The following CAPN7 variants were observed in gnomAD, a reference collection of about 807,000 sequenced individuals.
CAPN7 encodes calpain-7.
In CAPN7, 72 loss-of-function variants were observed where a neutral mutation model predicts 115.2. The observed-to-expected ratio is 0.63, with a 90% confidence interval of 0.52 to 0.76. The LOEUF (loss-of-function observed/expected upper bound fraction) is 0.76, where lower values mean the gene tolerates loss of function less well. CAPN7 is among the 30% of genes least tolerant of loss of function. The probability of loss-of-function intolerance (pLI) is 0.00; values close to 1 mark genes in which losing one functional copy is unlikely to be tolerated. For missense variants in CAPN7, 905 were observed against 971.5 expected, an observed-to-expected ratio of 0.93 and a Z score of 0.91; for synonymous variants, 344 against 322.3, an observed-to-expected ratio of 1.07 and a Z score of -0.72.
chr3:15,230,417 T>A (rs1223252199), intron 8 of CAPN7, 25 bp from the exon 9 acceptor site: 1 of 1,462,782 alleles, frequency 6.8e-7, no homozygotes, highest in Admixed American at 1.7e-5. Flanking sequence ...TGTTGGTATT[T>A]TAATATTTAT....
At chr3:15,244,876 A>G (rs1025958674) in intron 16 of CAPN7, among the ~76,000 whole-genome samples, 7 of 152,224 alleles carry the variant, frequency 4.6e-5, no homozygotes, top group East Asian at 3.8e-4. Flanking sequence ...TTATCTGTAT[A>G]GAACAACATA....
At chr3:15,231,324 A>T (rs1694672381) in intron 9 of CAPN7, among the ~76,000 whole-genome samples, 1 of 152,160 alleles carries the variant, frequency 6.6e-6, no homozygotes, top group Non-Finnish European at 1.5e-5. Context: ...TGCATTTCTA[A>T]CAAGATTCCA....
At chr3:15,221,651 A>G (rs1183622695) in intron 5 of CAPN7, among the ~76,000 whole-genome samples, 2 of 148,924 alleles carry the variant, frequency 1.3e-5, no homozygotes, top group Non-Finnish European at 2.9e-5. Flanking sequence ...CAGAGCCCTA[A>G]TGGGAGAAAA....
chr3:15,240,165 A>G (rs566068013), intron 12 of CAPN7, among the ~76,000 whole-genome samples: 2 of 152,232 alleles, frequency 1.3e-5, no homozygotes, highest in Non-Finnish European at 2.9e-5. Context: ...CACTATAGCT[A>G]CTAGCTACCT....
At chr3:15,234,860 T>C (rs992340718) in intron 11 of CAPN7, among the ~76,000 whole-genome samples, 165 bp from the exon 12 acceptor site, 1 of 152,216 alleles carries the variant, frequency 6.6e-6, no homozygotes, top group African/African-American at 2.4e-5. Flanking sequence ...AATGTGATAA[T>C]TTATTTTATA....
chr3:15,244,444 TTGAC>T (rs1243148104), intron 16 of CAPN7, among the ~76,000 whole-genome samples: 2 of 152,224 alleles, frequency 1.3e-5, no homozygotes, highest in African/African-American at 4.8e-5. Flanking sequence ...TGTTCCCTGT[TTGAC>T]AGAAGAGTAA....
chr3:15,249,927 G>C (rs931343749), intron 19 of CAPN7, among the ~76,000 whole-genome samples: 7 of 151,740 alleles, frequency 4.6e-5, no homozygotes, highest in African/African-American at 1.7e-4. Context: ...ACCATGCGCA[G>C]CTAATTTTTG....
intron 6 of CAPN7, among the ~76,000 whole-genome samples, chr3:15,225,074 A>G (rs1467528311): frequency 1.3e-5 from 2 of 152,210 alleles, no homozygotes; most frequent in African/African-American, 4.8e-5. Flanking sequence ...ATAATAATAG[A>G]AACTACCTCA....
intron 2 of CAPN7, among the ~76,000 whole-genome samples, chr3:15,217,015 A>G (rs113395894): frequency 2.0e-5 from 3 of 151,714 alleles, no homozygotes; most frequent in African/African-American, 7.3e-5. Flanking sequence ...AAACTGGCAG[A>G]TTGCTTGAGC....
intron 2 of CAPN7, among the ~76,000 whole-genome samples, chr3:15,214,353 A>C (rs1467911068): frequency 9.2e-5 from 14 of 152,234 alleles, no homozygotes; most frequent in Admixed American, 9.2e-4. Flanking sequence ...GTTTTAAAAC[A>C]AGATAGTCTG....
chr3:15,242,738 C>T (rs1266567397), intron 16 of CAPN7, among the ~76,000 whole-genome samples: 1 of 152,220 alleles, frequency 6.6e-6, no homozygotes, highest in Non-Finnish European at 1.5e-5. Context: ...ATCTCTCCTC[C>T]TGCCTTATTC....
At chr3:15,250,011 C>T (rs1342469152) in intron 19 of CAPN7, among the ~76,000 whole-genome samples, 1 of 151,344 alleles carries the variant, frequency 6.6e-6, no homozygotes, top group East Asian at 2.0e-4. Context: ...GATCCACCCA[C>T]CTCTGCCTCC....
intron 4 of CAPN7, among the ~76,000 whole-genome samples, chr3:15,220,485 A>G (rs922248232): frequency 6.6e-6 from 1 of 152,226 alleles, no homozygotes; most frequent in African/African-American, 2.4e-5. Context: ...CTACAAAACT[A>G]TGAGTACCTT....
At position 15,235,097 on chromosome 3, in the gene CAPN7, T is replaced by C. The variant is rs1431521938; in HGVS notation, c.1359T>C (p.Gly453=). Reference sequence around the variant, plus strand: ...CAGAAGCTGAAGGAGAGAAGTGGGGTCTGGTTCCCACACACGCATATGCTG... The same window carrying C: ...CAGAAGCTGAAGGAGAGAAGTGGGGCCTGGTTCCCACACACGCATATGCTG... ...MMTEAEGEKW[G]LVPTHAYAVL... Residue 453 remains glycine (G), a synonymous_variant, in exon 12 of 21, where the codon GGT becomes GGC. Coordinates refer to ENST00000253693, the MANE Select transcript of CAPN7 (RefSeq NM_014296.3). The C allele has an allele frequency of 6.2e-7, 1 of 1,612,928 alleles. No homozygotes were observed. The highest frequency in any genetic ancestry group is 2.2e-5 in the East Asian group (1 of 44,856).
At chr3:15,206,837 G>C (rs1250141867) in intron 1 of CAPN7, among the ~76,000 whole-genome samples, 1 of 152,266 alleles carries the variant, frequency 6.6e-6, no homozygotes, top group Non-Finnish European at 1.5e-5. Context: ...AGTCCTGACT[G>C]GCAAATGCCC....
chr3:15,230,711 C>A (rs781457116), intron 9 of CAPN7, among the ~76,000 whole-genome samples, 176 bp downstream of exon 9: 5 of 152,110 alleles, frequency 3.3e-5, no homozygotes, highest in South Asian at 4.1e-4. Flanking sequence ...TTAATTAAAA[C>A]CATGGCAAGT....
intron 9 of CAPN7, among the ~76,000 whole-genome samples, chr3:15,231,028 C>T (rs2124956404): frequency 6.6e-6 from 1 of 152,264 alleles, no homozygotes; most frequent in South Asian, 2.1e-4. Context: ...TAAGGTTCTC[C>T]ACCACCTGTC....
intron 17 of CAPN7, 130 bp from the exon 18 acceptor site, chr3:15,246,602 C>A: frequency 3.0e-6 from 2 of 670,044 alleles, no homozygotes; most frequent in South Asian, 1.8e-5. Context: ...TTAAACCTGA[C>A]CTGATACTAG....
At chr3:15,219,298 A>T (rs1327953780) in intron 4 of CAPN7, among the ~76,000 whole-genome samples, 1 of 152,226 alleles carries the variant, frequency 6.6e-6, no homozygotes, top group Admixed American at 6.5e-5. Context: ...TAGACACACA[A>T]AAAATGAAAG....
Sources: allele counts gnomAD v4.1 joint callset (sites outside exome capture counted in the v4.1 genomes callset), GRCh38; gene constraint gnomAD v4.1.1; transcripts MANE v1.5; gene names NCBI Gene and HGNC (gene_info 2026-07-23, HGNC 2026-07-21).